Variants in ADAM12 observed in about 807,000 individuals in gnomAD.
The protein encoded by ADAM12 is disintegrin and metalloproteinase domain-containing protein 12.
Under a neutral mutation model 106.4 loss-of-function variants are expected in ADAM12, and 70 were observed. The ratio of observed to expected loss-of-function variants is 0.66; its 90% CI spans 0.54 to 0.80. The LOEUF is 0.80. ADAM12 is among the 30% of genes least tolerant of loss of function. The pLI is 0.00. For synonymous variants in ADAM12, 420 were observed against 433.5 expected, an observed-to-expected ratio of 0.97 and a Z score of 0.39; for missense variants, 1,010 against 1,171.9, an observed-to-expected ratio of 0.86 and a Z score of 2.02.
At chr10:126,239,838 T>G (rs1441570878) in intron 3 of ADAM12, among the ~76,000 whole-genome samples, 1 of 152,232 alleles carries the variant, frequency 6.6e-6, no homozygotes, top group Non-Finnish European at 1.5e-5. Flanking sequence ...TTGGCCCCTT[T>G]CTAAAGGAAG....
At chr10:126,278,890 A>G (rs755970392) in intron 3 of ADAM12, 25 bp downstream of exon 3, 3 of 1,558,206 alleles carry the variant, frequency 1.9e-6, no homozygotes, top group Non-Finnish European at 2.6e-6. Flanking sequence ...TTCTCCTATC[A>G]TGCAATAAAC....
chr10:126,342,542 C>T (rs1467010871), intron 1 of ADAM12, among the ~76,000 whole-genome samples: 2 of 152,120 alleles, frequency 1.3e-5, no homozygotes, highest in Non-Finnish European at 2.9e-5. Context: ...CTGTTTAAAT[C>T]CTTGCTTCAT....
intron 3 of ADAM12, among the ~76,000 whole-genome samples, chr10:126,226,789 C>T (rs144195468): frequency 2.2e-3 from 334 of 152,196 alleles, no homozygotes; most frequent in Non-Finnish European, 3.6e-3. Context: ...GGCACTTTAC[C>T]GGGTGCCAGG....
chr10:126,198,132 C>T (rs950013689), intron 3 of ADAM12, among the ~76,000 whole-genome samples: 20 of 152,208 alleles, frequency 1.3e-4, no homozygotes, highest in Non-Finnish European at 2.2e-4. Flanking sequence ...ACGGGCCTTG[C>T]TCTCCTCCCT....
chr10:126,083,167 G>A (rs1420891145), intron 11 of ADAM12, among the ~76,000 whole-genome samples: 1 of 152,218 alleles, frequency 6.6e-6, no homozygotes, highest in East Asian at 1.9e-4. Flanking sequence ...CATTTGTTTA[G>A]TGAAACCCTG....
intron 3 of ADAM12, among the ~76,000 whole-genome samples, chr10:126,269,408 G>A (rs1231573635): frequency 6.6e-6 from 1 of 152,166 alleles, no homozygotes; most frequent in Non-Finnish European, 1.5e-5. Flanking sequence ...AAACTTTCAA[G>A]CTTTCCAGAG....
At chr10:126,174,008 A>ATTTTTTTTTTTTT (rs200354475) in intron 3 of ADAM12, among the ~76,000 whole-genome samples, 1 of 90,468 alleles carries the variant, frequency 1.1e-5, no homozygotes, top group African/African-American at 5.4e-5. Flanking sequence ...TCTGTTGTTG[A>ATTTTTTTTTTTTT]TTTTTTTTTT....
intron 6 of ADAM12, among the ~76,000 whole-genome samples, chr10:126,110,463 T>A: frequency 1.4e-5 from 2 of 146,266 alleles, no homozygotes; most frequent in Non-Finnish European, 1.5e-5. Flanking sequence ...AACAGAGAAG[T>A]GAGAAAGGTA....
chr10:126,258,476 T>C (rs1024358791), intron 3 of ADAM12, among the ~76,000 whole-genome samples: 2 of 152,214 alleles, frequency 1.3e-5, no homozygotes, highest in African/African-American at 4.8e-5. Flanking sequence ...ATACTTTTTG[T>C]TTCATTCAGG....
In ADAM12 at chr10:126,049,246, G is replaced by T; in HGVS notation, c.1917+7C>A. Reference sequence around the variant, plus strand: ...ATTTATGATCCAAGCAAACATTTGGGTCTTACTTTTCCATCTGCACACTTT... The same window carrying T: ...ATTTATGATCCAAGCAAACATTTGGTTCTTACTTTTCCATCTGCACACTTT... On this transcript the variant is annotated splice_region_variant and intron_variant, in intron 16 of 22. Transcript: ENST00000448723. The surrounding 1 kb of genome is among the most constrained non-coding windows in gnomAD (Gnocchi z 4.4). 1 of 1,613,888 alleles carries T rather than the reference G, an allele frequency of 6.2e-7. No individual in the cohort carries two copies. Among genetic ancestry groups the T allele is most frequent in the African/African-American group, 1.3e-5 (1 of 75,032 alleles).
At chr10:126,279,770 G>T (rs1277103817) in intron 2 of ADAM12, among the ~76,000 whole-genome samples, 1 of 151,966 alleles carries the variant, frequency 6.6e-6, no homozygotes, top group Non-Finnish European at 1.5e-5. Flanking sequence ...TGGAGGGAGA[G>T]TTGGGTCATC....
At chr10:126,346,234 T>C (rs1458592777) in intron 1 of ADAM12, among the ~76,000 whole-genome samples, 2 of 152,212 alleles carry the variant, frequency 1.3e-5, no homozygotes, top group East Asian at 3.9e-4. Flanking sequence ...TTTGTTCTCG[T>C]TGGTTTCAAA....
At position 126,066,352 on chromosome 10, in the gene ADAM12, C is replaced by G. The variant is rs1442521126; in HGVS notation, c.1413+365G>C. ...GATCAAGAAGATGAACCTGGGGGAA[C>G]CTGAGTGACAGTGGATGGGGACTTG... On this transcript the variant is annotated intron_variant, in intron 13 of 22. Transcript: ENST00000448723. The surrounding 1 kb of genome is among the most constrained non-coding windows in gnomAD (Gnocchi z 5.1). Among the ~76,000 whole-genome samples, 1 of 152,194 alleles carries G rather than the reference C, an allele frequency of 6.6e-6. No homozygotes were observed. Among genetic ancestry groups the G allele is most frequent in the Admixed American group, 6.5e-5 (1 of 15,276 alleles).
intron 11 of ADAM12, among the ~76,000 whole-genome samples, chr10:126,089,087 C>T (rs984144570): frequency 3.3e-5 from 5 of 152,148 alleles, no homozygotes; most frequent in Admixed American, 6.5e-5. Flanking sequence ...GGGACACACT[C>T]GTCAGTTGAA....
chr10:126,139,222 C>G (rs1405368624), intron 4 of ADAM12, among the ~76,000 whole-genome samples: 1 of 152,082 alleles, frequency 6.6e-6, no homozygotes, highest in Non-Finnish European at 1.5e-5. Context: ...CAGGCCTCTT[C>G]TTTTAATACG....
At chr10:126,290,278 G>A (rs75023636) in intron 2 of ADAM12, among the ~76,000 whole-genome samples, 520 of 152,314 alleles carry the variant, frequency 3.4e-3, no homozygotes, top group Middle Eastern at 6.8e-3. Flanking sequence ...CTCCCCCAGA[G>A]CCTCCACCAA....
chr10:126,042,193 T>C, intron 18 of ADAM12: 2 of 1,613,892 alleles, frequency 1.2e-6, no homozygotes, highest in Non-Finnish European at 8.5e-7. Context: ...CTCCTGGCCC[T>C]GGCCGCGCTC....
At chr10:126,098,935 G>T (rs563346763) in intron 9 of ADAM12, among the ~76,000 whole-genome samples, 2 of 152,172 alleles carry the variant, frequency 1.3e-5, no homozygotes, top group Non-Finnish European at 2.9e-5. Flanking sequence ...CTACAGTTCT[G>T]CCAGACACCC....
intron 8 of ADAM12, among the ~76,000 whole-genome samples, chr10:126,107,118 T>C (rs1955787882): frequency 1.3e-5 from 2 of 152,052 alleles, no homozygotes; most frequent in Admixed American, 6.6e-5. Flanking sequence ...CATGAACACA[T>C]ATAGGAACAC....
Sources: allele counts gnomAD v4.1 joint callset (sites outside exome capture counted in the v4.1 genomes callset), GRCh38; gene constraint gnomAD v4.1.1; non-coding constraint Gnocchi (gnomAD v3.1); transcripts MANE v1.5; gene names NCBI Gene and HGNC (gene_info 2026-07-23, HGNC 2026-07-21).